Variants in BCAS3 observed in about 807,000 individuals in gnomAD.
The protein encoded by BCAS3 is BCAS4/BCAS3 fusion.
A neutral mutation model predicts 116.1 loss-of-function variants in BCAS3; 53 were observed. That is an observed-to-expected ratio of 0.46 (90% CI 0.37 to 0.57). The LOEUF (loss-of-function observed/expected upper bound fraction) is 0.57, where lower values mean the gene tolerates loss of function less well. Among genes scored for constraint, BCAS3 ranks in the 20% least tolerant of loss-of-function variants. The pLI is 0.00. For missense variants in BCAS3, 917 were observed against 1,165.4 expected (o/e 0.79, Z 3.10); for synonymous variants, 391 against 408.2 (o/e 0.96, Z 0.51).
chr17:61,216,096 A>G (rs2081768851), intron 22 of BCAS3, among the ~76,000 whole-genome samples: 1 of 152,202 alleles, frequency 6.6e-6, no homozygotes, highest in Admixed American at 6.5e-5. Context: ...ATTTCCTGAT[A>G]GTCATATCAC....
chr17:61,234,622 C>T (rs2082884072), intron 22 of BCAS3, among the ~76,000 whole-genome samples: 1 of 152,060 alleles, frequency 6.6e-6, no homozygotes, highest in African/African-American at 2.4e-5. Flanking sequence ...CCTACAGTTC[C>T]AGACCAGCTT....
At chr17:61,157,260 G>A (rs542058832) in intron 22 of BCAS3, among the ~76,000 whole-genome samples, 2 of 152,244 alleles carry the variant, frequency 1.3e-5, no homozygotes, top group Non-Finnish European at 1.5e-5. Flanking sequence ...GATATATTCA[G>A]TAATATATTT....
intron 22 of BCAS3, among the ~76,000 whole-genome samples, chr17:61,263,446 A>C (rs1230563995): frequency 1.3e-5 from 2 of 152,210 alleles, no homozygotes; most frequent in Admixed American, 1.3e-4. Flanking sequence ...TTCTCTTTCC[A>C]TTGACTCTCA....
intron 6 of BCAS3, among the ~76,000 whole-genome samples, chr17:60,804,023 G>A (rs1302454695): frequency 6.7e-6 from 1 of 149,740 alleles, no homozygotes; most frequent in African/African-American, 2.5e-5. Flanking sequence ...AGCTGGTCTC[G>A]AACTCCTGAC....
At chr17:60,719,188 A>G (rs1373566081) in intron 5 of BCAS3, among the ~76,000 whole-genome samples, 1 of 152,206 alleles carries the variant, frequency 6.6e-6, no homozygotes, top group African/African-American at 2.4e-5. Context: ...GTGGAAAGGT[A>G]GTGAGTTTGG....
rs1276739837 is a variant in BCAS3 at position 61,132,724 on chromosome 17, G to C, written c.2425+48160G>C. 6.6e-6 allele frequency among the ~76,000 whole-genome samples: 1 copy of C among 152,144 alleles called. No homozygotes were observed. The highest frequency in any genetic ancestry group is 1.5e-5 in the Non-Finnish European group (1 of 68,030). ...TGCAGACTGTGTTAAATGCAGAGGA[G>C]GCAAGGTGGAGAGAAGGAAAGACAA... On this transcript the variant is annotated intron_variant, in intron 22 of 23. Transcript: ENST00000407086. This position sits in a 1 kb window ranked among gnomAD's most constrained non-coding sequence, Gnocchi z 5.1.
chr17:61,292,334 G>A (rs529737442), intron 22 of BCAS3, among the ~76,000 whole-genome samples: 2 of 152,146 alleles, frequency 1.3e-5, no homozygotes, highest in South Asian at 4.2e-4. Context: ...AAGAGAAAAG[G>A]ATAGTCCCCT....
Position 61,258,190 on chromosome 17 carries a change from T to A in BCAS3, c.2426-110137T>A, listed in dbSNP as rs1281739769. 2.6e-5 allele frequency among the ~76,000 whole-genome samples: 4 copies of A among 152,250 alleles called. No homozygotes were observed. The highest frequency in any genetic ancestry group is 5.9e-5 in the Non-Finnish European group (4 of 68,038). On this transcript the variant is annotated intron_variant, in intron 22 of 23. Transcript: ENST00000407086. This position sits in a 1 kb window ranked among gnomAD's most constrained non-coding sequence, Gnocchi z 4.7. ...ATTCCAGTCAAAAATTGTCTTCTTT[T>A]CTCTGAATATCTTTGTCTTTAATAG...
At chr17:60,932,249 C>G (rs1199154993) in intron 13 of BCAS3, among the ~76,000 whole-genome samples, 1 of 151,972 alleles carries the variant, frequency 6.6e-6, no homozygotes, top group Admixed American at 6.6e-5. Context: ...AATATTTTGT[C>G]CCCAAGTATT....
Position 61,087,144 on chromosome 17 carries a change from G to A in BCAS3, c.2425+2580G>A. On this transcript the variant is annotated intron_variant, in intron 22 of 23. Transcript: ENST00000407086. The surrounding 1 kb of genome is among the most constrained non-coding windows in gnomAD (Gnocchi z 4.6). ...ATTTTTATAATTGCTCTTGAACCGG[G>A]AAGTGCACCTCTGATTATGATCCAT... 1 of 985,370 alleles carries A rather than the reference G, an allele frequency of 1.0e-6. No individual in the cohort carries two copies. The highest frequency in any genetic ancestry group is 1.2e-6 in the Non-Finnish European group (1 of 829,882). 61.0% of individuals were successfully genotyped at this position (985,370 alleles called of 1,614,324 possible).
At chr17:60,698,204 AAG>A (rs2035891616) in intron 4 of BCAS3, among the ~76,000 whole-genome samples, 1 of 151,698 alleles carries the variant, frequency 6.6e-6, no homozygotes, top group Non-Finnish European at 1.5e-5. Flanking sequence ...AAAAAAAAAA[AAG>A]AGCAGCAGTG....
chr17:60,800,731 A>T (rs1297286607), intron 6 of BCAS3, among the ~76,000 whole-genome samples: 1 of 152,126 alleles, frequency 6.6e-6, no homozygotes, highest in South Asian at 2.1e-4. Context: ...TTTACATTTA[A>T]ATCTGTGATC....
chr17:61,247,101 A>G (rs1297132592), intron 22 of BCAS3, among the ~76,000 whole-genome samples: 1 of 152,150 alleles, frequency 6.6e-6, no homozygotes, highest in African/African-American at 2.4e-5. Context: ...TCATCATTCC[A>G]TGAGAAATTA....
chr17:60,763,312 G>A (rs1409715487), intron 6 of BCAS3, among the ~76,000 whole-genome samples: 1 of 152,176 alleles, frequency 6.6e-6, no homozygotes, highest in East Asian at 1.9e-4. Context: ...TGCCCATTCA[G>A]TATGATACTG....
At chr17:60,789,436 G>A (rs970028945) in intron 6 of BCAS3, among the ~76,000 whole-genome samples, 9 of 152,090 alleles carry the variant, frequency 5.9e-5, no homozygotes, top group African/African-American at 2.2e-4. Context: ...TGGTGGGCAA[G>A]CCCATTTTCA....
At chr17:60,839,914 C>T (rs937714875) in intron 7 of BCAS3, among the ~76,000 whole-genome samples, 4 of 151,886 alleles carry the variant, frequency 2.6e-5, no homozygotes, top group African/African-American at 4.8e-5. Flanking sequence ...AATTTTGTTT[C>T]AATCTGTTAA....
chr17:61,078,486 C>G lies in BCAS3; in HGVS notation c.2284C>G (p.Leu762Val), dbSNP rs2072236997. 2 of 1,614,100 alleles carry G rather than the reference C, an allele frequency of 1.2e-6. No homozygotes were observed. Among genetic ancestry groups the G allele is most frequent in the South Asian group, 1.1e-5 (1 of 91,078 alleles). Residue 762 changes from leucine to valine, a missense_variant, in exon 21 of 24, where the codon CTT becomes GTT. Leu to Val is a conservative substitution (Grantham distance 32, BLOSUM62 1). Transcript: ENST00000407086. ...SHGPSDTPQP[L>V]LDFDTDDLDL... is the part of the protein sequence containing the mutation. ...TGGTCCGAGTGACACGCCACAGCCT[C>G]TTTTGGATTTTGATACAGATGATCT... is the stretch of plus-strand genomic sequence containing the variant.
intron 7 of BCAS3, among the ~76,000 whole-genome samples, chr17:60,830,930 G>A (rs2050862140): frequency 6.6e-6 from 1 of 151,312 alleles, no homozygotes; most frequent in South Asian, 2.1e-4. Context: ...GGAGTGCAGT[G>A]GTACAGTCTT....
At chr17:61,301,900 G>A (rs2053475215) in intron 22 of BCAS3, among the ~76,000 whole-genome samples, 1 of 152,056 alleles carries the variant, frequency 6.6e-6, no homozygotes, top group Admixed American at 6.5e-5. Context: ...TTTCTTTACA[G>A]TGTAAAGAAT....
Sources: allele counts gnomAD v4.1 joint callset (sites outside exome capture counted in the v4.1 genomes callset), GRCh38; gene constraint gnomAD v4.1.1; non-coding constraint Gnocchi (gnomAD v3.1); transcripts MANE v1.5; gene names NCBI Gene and HGNC (gene_info 2026-07-23, HGNC 2026-07-21).